Variants in IL1RAPL1 observed in about 807,000 individuals in gnomAD.
IL1RAPL1 encodes the protein interleukin 1 receptor accessory protein like 1, also known as interleukin-1 receptor accessory protein-like 1.
Under a neutral mutation model 48.4 loss-of-function variants are expected in IL1RAPL1, and 3 were observed. The observed-to-expected ratio is 0.06, with a 90% CI of 0.03 to 0.16. The LOEUF (loss-of-function observed/expected upper bound fraction) is 0.16, where lower values mean the gene tolerates loss of function less well. Among genes scored for constraint, IL1RAPL1 ranks in the 10% least tolerant of loss-of-function variants. The probability of loss-of-function intolerance (pLI) is 1.00; values close to 1 mark genes in which losing one functional copy is unlikely to be tolerated. For missense variants in IL1RAPL1, 349 were observed against 530.6 expected (o/e 0.66, Z 3.36); for synonymous variants, 185 against 187.7 (o/e 0.99, Z 0.12).
At chrX:29,063,580 A>T (rs1278549716) in intron 2 of IL1RAPL1, among the ~76,000 whole-genome samples, 2 of 111,912 alleles carry the variant, frequency 1.8e-5, no homozygotes, top group South Asian at 7.5e-4. Flanking sequence ...TATAAATAAG[A>T]GTGTAGTAGT....
intron 6 of IL1RAPL1, among the ~76,000 whole-genome samples, chrX:29,838,089 C>T (rs183675398): frequency 2.4e-3 from 266 of 111,366 alleles, no homozygotes; most frequent in Non-Finnish European, 3.5e-3. Context: ...AGGGAAGAAG[C>T]GTTCCTAAAG....
intron 1 of IL1RAPL1, among the ~76,000 whole-genome samples, chrX:28,750,762 A>T (rs1226113522): frequency 2.7e-5 from 3 of 112,247 alleles, no homozygotes; most frequent in Admixed American, 9.5e-5. Flanking sequence ...ATAACTTTAC[A>T]TCCTAATATG....
chrX:29,863,910 C>T (rs934950443), intron 6 of IL1RAPL1, among the ~76,000 whole-genome samples: 3 of 111,718 alleles, frequency 2.7e-5, no homozygotes, highest in Non-Finnish European at 5.6e-5. Flanking sequence ...CCTCAGCCTC[C>T]CAAGTAGCTG....
intron 5 of IL1RAPL1, among the ~76,000 whole-genome samples, chrX:29,518,936 G>T (rs1348339299): frequency 8.9e-6 from 1 of 112,093 alleles, no homozygotes; most frequent in Non-Finnish European, 1.9e-5. Flanking sequence ...TTTATAGCAG[G>T]TGAGATGGTG....
chrX:29,115,922 T>G (rs1928668874), intron 2 of IL1RAPL1, among the ~76,000 whole-genome samples: 1 of 111,071 alleles, frequency 9.0e-6, no homozygotes, highest in Non-Finnish European at 1.9e-5. Flanking sequence ...CTTTCTATTA[T>G]TTTAGGTGTT....
chrX:29,940,568 C>A (rs1411926783), intron 8 of IL1RAPL1, among the ~76,000 whole-genome samples: 1 of 111,967 alleles, frequency 8.9e-6, no homozygotes, highest in African/African-American at 3.2e-5. Context: ...CAATGGCTAC[C>A]CATCAGTAAC....
At chrX:28,683,564 C>T (rs759806745) in intron 1 of IL1RAPL1, among the ~76,000 whole-genome samples, 2 of 111,656 alleles carry the variant, frequency 1.8e-5, no homozygotes, top group East Asian at 5.6e-4. Flanking sequence ...ACTGTGCACT[C>T]TCCTGTGGCT....
rs756186323 is a variant in IL1RAPL1 at position 29,778,006 on chromosome X, A to C, written c.778+109502A>C. 4.0e-4 allele frequency among the ~76,000 whole-genome samples: 43 copies of C among 107,680 alleles called. 1 individual carries two copies. The highest frequency in any genetic ancestry group is 4.8e-3 in the Middle Eastern group (1 of 207). 93.5% of individuals were successfully genotyped at this position (107,680 alleles called of 115,157 possible). On this transcript the variant is annotated intron_variant, in intron 6 of 10. Transcript: ENST00000378993. ...ATAATAGTATTCATTTATACGATAT[A>C]TATTGTATAAATAGTTTTCTTTTAT...
chrX:29,730,532 G>T (rs1927888771), intron 6 of IL1RAPL1, among the ~76,000 whole-genome samples: 1 of 112,192 alleles, frequency 8.9e-6, no homozygotes, highest in Admixed American at 9.5e-5. Flanking sequence ...CCTGAATTCT[G>T]GTTCATTAGC....
At chrX:29,791,176 G>A (rs1429101067) in intron 6 of IL1RAPL1, among the ~76,000 whole-genome samples, 1 of 109,878 alleles carries the variant, frequency 9.1e-6, no homozygotes, top group Non-Finnish European at 1.9e-5. Context: ...ACCAGGGAGC[G>A]CCATCTGAAT....
chrX:29,506,600 G>T (rs1363099535), intron 5 of IL1RAPL1, among the ~76,000 whole-genome samples: 1 of 110,655 alleles, frequency 9.0e-6, no homozygotes, highest in African/African-American at 3.3e-5. Context: ...AATGAGGGAG[G>T]TATCCAAGGG....
intron 5 of IL1RAPL1, among the ~76,000 whole-genome samples, chrX:29,548,888 A>G (rs1783474799): frequency 8.9e-6 from 1 of 111,907 alleles, no homozygotes; most frequent in African/African-American, 3.2e-5. Context: ...ATTGAATGCA[A>G]TATTGTTATC....
chrX:29,770,441 CATT>C (rs1174539206), intron 6 of IL1RAPL1, among the ~76,000 whole-genome samples: 1 of 106,087 alleles, frequency 9.4e-6, no homozygotes, highest in African/African-American at 3.5e-5. Context: ...ACATGAGACT[CATT>C]TTTTAAAGTA....
chrX:29,076,995 C>T (rs1927692343), intron 2 of IL1RAPL1, among the ~76,000 whole-genome samples: 3 of 112,036 alleles, frequency 2.7e-5, no homozygotes, highest in African/African-American at 9.7e-5. Flanking sequence ...GGTCGAGGGC[C>T]AAGGTGGCTG....
intron 2 of IL1RAPL1, among the ~76,000 whole-genome samples, chrX:29,165,130 C>T (rs1165157400): frequency 1.8e-5 from 2 of 111,810 alleles, no homozygotes; most frequent in East Asian, 5.6e-4. Context: ...AACAGCCTGG[C>T]CAATGAGGTG....
intron 1 of IL1RAPL1, among the ~76,000 whole-genome samples, chrX:28,772,919 C>T (rs1936324931): frequency 8.9e-6 from 1 of 111,747 alleles, no homozygotes; most frequent in South Asian, 3.7e-4. Flanking sequence ...GAATTAAATT[C>T]AACTATCTAC....
In IL1RAPL1 at chrX:29,437,545, G is replaced by C. The variant is rs767134663; in HGVS notation, c.703+38237G>C. Among the ~76,000 whole-genome samples the C allele has an allele frequency of 6.3e-5, 7 of 110,467 alleles. No homozygotes were observed. In the Admixed American group the frequency reaches 6.7e-4, roughly 11 times the overall value. On this transcript the variant is annotated intron_variant, in intron 5 of 10. Coordinates refer to ENST00000378993, the MANE Select transcript of IL1RAPL1 (RefSeq NM_014271.4). ...TCTTTCACCATTAAATAGCATCTTA[G>C]CTGTAGGTTTTTTATAGATGCTCAT...
intron 5 of IL1RAPL1, among the ~76,000 whole-genome samples, chrX:29,604,683 G>A (rs1351934968): frequency 9.0e-6 from 1 of 111,578 alleles, no homozygotes; most frequent in African/African-American, 3.3e-5. Context: ...CCATAGGAAT[G>A]TACAACATAC....
chrX:29,101,292 G>T (rs1412188268), intron 2 of IL1RAPL1, among the ~76,000 whole-genome samples: 1 of 112,110 alleles, frequency 8.9e-6, no homozygotes, highest in African/African-American at 3.2e-5. Context: ...AACTTACCAA[G>T]ATTAAGTCAT....
Sources: allele counts gnomAD v4.1 joint callset (sites outside exome capture counted in the v4.1 genomes callset), GRCh38; gene constraint gnomAD v4.1.1; transcripts MANE v1.5; gene names NCBI Gene and HGNC (gene_info 2026-07-23, HGNC 2026-07-21).